MYO18B: variants seen among roughly 807,000 people sequenced by gnomAD.
MYO18B encodes the protein unconventional myosin-XVIIIb.
Under a neutral mutation model 273.0 loss-of-function variants are expected in MYO18B, and 204 were observed. The ratio of observed to expected loss-of-function variants is 0.75; its 90% CI spans 0.67 to 0.84. The LOEUF (loss-of-function observed/expected upper bound fraction) is 0.84. MYO18B is among the 40% of genes least tolerant of loss of function. MYO18B has a pLI of 0.00. For missense variants in MYO18B, 3,212 were observed against 3,287.6 expected, an observed-to-expected ratio of 0.98 and a Z score of 0.56; for synonymous variants, 1,330 against 1,305.7, an observed-to-expected ratio of 1.02 and a Z score of -0.40.
chr22:25,874,222 C>CA (rs1486656471), intron 22 of MYO18B, 64 bp from the exon 23 acceptor site: 12 of 1,587,818 alleles, frequency 7.6e-6, no homozygotes, highest in Non-Finnish European at 1.0e-5. Flanking sequence ...GATTTGCAAG[C>CA]ACCCCCCCAT....
chr22:25,780,405 A>G (rs2087091130), intron 9 of MYO18B, among the ~76,000 whole-genome samples: 1 of 151,908 alleles, frequency 6.6e-6, no homozygotes, highest in Non-Finnish European at 1.5e-5. Flanking sequence ...AGCCTGACCA[A>G]CATGGTAAAA....
chr22:25,997,640 A>G (rs925679990), intron 40 of MYO18B, among the ~76,000 whole-genome samples: 4 of 152,234 alleles, frequency 2.6e-5, no homozygotes, highest in South Asian at 2.1e-4. Context: ...AAGAATTAAT[A>G]TTGTATAAAG....
At chr22:25,896,246 A>C (rs1384635376) in intron 28 of MYO18B, 2 of 152,110 alleles carry the variant, frequency 1.3e-5, no homozygotes, top group East Asian at 3.9e-4. Flanking sequence ...CCCCACCTAG[A>C]TCCAGGGTGA....
intron 21 of MYO18B, among the ~76,000 whole-genome samples, chr22:25,852,367 C>A (rs747564807): frequency 6.6e-6 from 1 of 151,040 alleles, no homozygotes; most frequent in Admixed American, 6.6e-5. Flanking sequence ...TGGCTTACAG[C>A]AAGAGCTCAA....
At chr22:25,884,430 T>C (rs1241874775) in intron 25 of MYO18B, among the ~76,000 whole-genome samples, 2 of 152,202 alleles carry the variant, frequency 1.3e-5, no homozygotes, top group Non-Finnish European at 2.9e-5. Context: ...GCCTGGTTTC[T>C]TATCTGTCTT....
At chr22:25,861,461 G>C (rs1162567995) in intron 21 of MYO18B, among the ~76,000 whole-genome samples, 3 of 152,052 alleles carry the variant, frequency 2.0e-5, no homozygotes. Flanking sequence ...TCTGATATTA[G>C]TATAGCCACT....
intron 12 of MYO18B, among the ~76,000 whole-genome samples, chr22:25,814,294 CTTTTTTTTTTTTTTTTTTTTTTTT>C (rs398036691): frequency 3.7e-4 from 22 of 59,496 alleles, no homozygotes; most frequent in Admixed American, 8.2e-4. Flanking sequence ...AGGCACCGTT[CTTTTTTTTTTTTTTTTTTTTTTTT>C]TTTTTTTTTT....
At chr22:25,933,596 A>G (rs989654743) in intron 34 of MYO18B, among the ~76,000 whole-genome samples, 1 of 152,194 alleles carries the variant, frequency 6.6e-6, no homozygotes, top group Non-Finnish European at 1.5e-5. Context: ...GTTTTAGGCA[A>G]TTAAAGTAAT....
chr22:25,794,667 G>A (rs920161852), intron 11 of MYO18B, among the ~76,000 whole-genome samples: 1 of 151,842 alleles, frequency 6.6e-6, no homozygotes, highest in Non-Finnish European at 1.5e-5. Context: ...ACTTCGCCCG[G>A]CTAAGTTTTT....
At chr22:25,870,220 A>G (rs1198670383) in intron 22 of MYO18B, among the ~76,000 whole-genome samples, 3 of 152,258 alleles carry the variant, frequency 2.0e-5, no homozygotes. Context: ...GTGTGGCTTA[A>G]CAATGGGGAT....
At chr22:25,905,369 A>T (rs974126410) in intron 31 of MYO18B, among the ~76,000 whole-genome samples, 2 of 152,220 alleles carry the variant, frequency 1.3e-5, no homozygotes, top group Non-Finnish European at 2.9e-5. Flanking sequence ...CCTCCTCTGC[A>T]TCATGCACTC....
chr22:25,901,545 T>A (rs978899107), intron 29 of MYO18B: 1 of 152,188 alleles, frequency 6.6e-6, no homozygotes, highest in Non-Finnish European at 1.5e-5. Context: ...GACTAGTCTT[T>A]GTGTTTTCTG....
intron 32 of MYO18B, 64 bp from the exon 33 acceptor site, chr22:25,910,882 C>CT (rs2092143736): frequency 1.5e-6 from 2 of 1,339,180 alleles, no homozygotes; most frequent in African/African-American, 1.4e-5. Flanking sequence ...GGGTCCTTGC[C>CT]TTGTAGGATG....
intron 1 of MYO18B, among the ~76,000 whole-genome samples, chr22:25,758,317 G>GT (rs133870): frequency 0.32 from 44,491 of 140,904 alleles, 6,795 homozygotes; most frequent in East Asian, 0.45. Context: ...TGGCAGGAAA[G>GT]TTTTTTTTTT....
At chr22:25,920,726 C>G (rs555503275) in intron 33 of MYO18B, among the ~76,000 whole-genome samples, 10 of 152,324 alleles carry the variant, frequency 6.6e-5, no homozygotes, top group Admixed American at 1.3e-4. Context: ...CCCACGTGTA[C>G]AGCTCAGTGA....
downstream of MYO18B, chr22:26,031,069 T>C (rs973790943): frequency 2.5e-6 from 1 of 396,914 alleles, no homozygotes; most frequent in African/African-American, 2.1e-5. Flanking sequence ...CTGATATATA[T>C]GCATCCTACA....
intron 3 of MYO18B, among the ~76,000 whole-genome samples, chr22:25,767,600 C>T (rs1444301765): frequency 6.6e-6 from 1 of 152,186 alleles, no homozygotes; most frequent in African/African-American, 2.4e-5. Context: ...AAGGTGAGAA[C>T]AGGTCCTCTA....
intron 12 of MYO18B, among the ~76,000 whole-genome samples, chr22:25,811,014 C>CA (rs1555899205): frequency 1.3e-5 from 2 of 149,384 alleles, no homozygotes; most frequent in African/African-American, 4.9e-5. Flanking sequence ...TTTTCTTAAA[C>CA]TTTTTTTTTT....
chr22:26,027,800 G>C lies in MYO18B; in HGVS notation c.*12+110G>C. 8.2e-7 allele frequency: 1 copy of C among 1,226,672 alleles called. No homozygotes were observed. Among genetic ancestry groups the C allele is most frequent in the Admixed American group, 2.9e-5 (1 of 34,880 alleles). The allele number at this position is 1,226,672 out of a possible 1,614,324, so 76.0% of individuals were successfully genotyped here. ...TAATGCCACAACCGATTTCTCTAGAGACCAAGATTTTTAGAGGTTTTAGCT... is the reference window on the plus strand; with the variant it reads ...TAATGCCACAACCGATTTCTCTAGACACCAAGATTTTTAGAGGTTTTAGCT... On this transcript the variant is annotated intron_variant, in intron 43 of 43. Coordinates refer to ENST00000335473, the MANE Select transcript of MYO18B (RefSeq NM_032608.7). This position sits in a 1 kb window ranked among gnomAD's most constrained non-coding sequence, Gnocchi z 4.1.
Sources: gnomAD v4.1 joint callset for allele counts (sites outside exome capture counted in the v4.1 genomes callset) on GRCh38, gnomAD v4.1.1 for gene constraint, Gnocchi (gnomAD v3.1) non-coding constraint, MANE v1.5 for transcripts, NCBI Gene and HGNC (gene_info 2026-07-23, HGNC 2026-07-21) for gene names.